SUGT1: variants seen among roughly 807,000 people sequenced by gnomAD.
SUGT1 encodes the protein SGT1 assembly cochaperone of MIS12 kinetochore complex, also known as protein SGT1 homolog.
SUGT1 carries 15 observed loss-of-function variants against 56.1 expected under a neutral mutation model. The ratio of observed to expected loss-of-function variants is 0.27; its 90% confidence interval spans 0.18 to 0.41. The LOEUF is 0.41. Ranked by LOEUF, SUGT1 falls within the 10% of genes least tolerant of loss-of-function variation. The pLI is 1.00. For missense variants in SUGT1, 347 were observed against 382.2 expected, an observed-to-expected ratio of 0.91 and a Z score of 0.77; for synonymous variants, 123 against 128.6, an observed-to-expected ratio of 0.96 and a Z score of 0.30.
rs764131039 is a variant in SUGT1 at position 52,653,052 on chromosome 13, C to A, written c.45C>A (p.Phe15Leu). 7.2e-5 allele frequency: 116 copies of A among 1,614,044 alleles called. 1 individual carries two copies. The South Asian group carries it at 9.7e-4, about 13-fold the overall frequency. ...GTCGTTGTTTTCCTGACAGGTTTTT[C>A]CAGAGCTTCTCGGATGCCCTAATCG... ...AAGTATSQRFFQSFSDALIDE... is the reference protein window; with the variant it reads ...AAGTATSQRFLQSFSDALIDE... The change falls in exon 2 of 13, where the codon TTC becomes TTA. Residue 15 changes from phenylalanine to leucine, a missense_variant. By Grantham distance (22) the Phe-to-Leu change is conservative. Transcript: ENST00000310528.
intron 2 of SUGT1, among the ~76,000 whole-genome samples, chr13:52,655,201 C>T (rs937823885): frequency 6.6e-6 from 1 of 152,134 alleles, no homozygotes; most frequent in Non-Finnish European, 1.5e-5. Context: ...AAAAATTAGC[C>T]GGGCATGGTG....
intron 5 of SUGT1, among the ~76,000 whole-genome samples, chr13:52,660,962 A>T (rs2138117023): frequency 6.6e-6 from 1 of 152,182 alleles, no homozygotes; most frequent in African/African-American, 2.4e-5. Context: ...ACATGCCACC[A>T]CACCTGACTA....
intron 10 of SUGT1, among the ~76,000 whole-genome samples, chr13:52,668,365 C>T (rs1962802215): frequency 6.6e-6 from 1 of 152,104 alleles, no homozygotes; most frequent in Admixed American, 6.6e-5. Flanking sequence ...GTGAAGTTTC[C>T]TGTTGTGGAA....
rs907830490 is a variant in SUGT1 at position 52,688,547 on chromosome 13, T to G, written c.*712T>G. On this transcript the variant is annotated 3_prime_UTR_variant, in exon 13 of 13. Coordinates refer to ENST00000310528, the MANE Select transcript of SUGT1 (RefSeq NM_006704.5). ...CTAGGAAAGCCCAACTCCACTTGCTTCTTTTATCACGACAGGATTCTTGAA... is the reference window on the plus strand; with the variant it reads ...CTAGGAAAGCCCAACTCCACTTGCTGCTTTTATCACGACAGGATTCTTGAA... 1 of 152,208 alleles carries G rather than the reference T, an allele frequency of 6.6e-6. No individual in the cohort carries two copies. Among genetic ancestry groups the G allele is most frequent in the Admixed American group, 6.5e-5 (1 of 15,282 alleles). 9.4% of individuals were successfully genotyped at this position (152,208 alleles called of 1,614,324 possible). A position where few individuals can be genotyped will look rare whatever the true frequency, so the allele number is the denominator to read the frequency against.
chr13:52,686,087 C>G (rs544690743), intron 12 of SUGT1, among the ~76,000 whole-genome samples: 3 of 152,280 alleles, frequency 2.0e-5, no homozygotes, highest in Admixed American at 2.0e-4. Flanking sequence ...GCCACTACGC[C>G]TGGCTAATTT....
intron 12 of SUGT1, among the ~76,000 whole-genome samples, chr13:52,682,082 C>T (rs75197705): frequency 0.011 from 1,663 of 152,158 alleles, 34 homozygotes; most frequent in African/African-American, 0.038. Context: ...TCTAATTTAC[C>T]GCTTTTTATG....
intron 2 of SUGT1, among the ~76,000 whole-genome samples, chr13:52,655,993 C>T (rs1442776559): frequency 6.6e-6 from 1 of 152,028 alleles, no homozygotes; most frequent in East Asian, 1.9e-4. Context: ...TTTTAAGAGG[C>T]AGCAGAATGG....
chr13:52,656,132 G>A (rs570254286), intron 2 of SUGT1, among the ~76,000 whole-genome samples: 51 of 152,260 alleles, frequency 3.3e-4, no homozygotes, highest in African/African-American at 1.2e-3. Context: ...AAATATTTTT[G>A]TATTCTATGG....
intron 5 of SUGT1, among the ~76,000 whole-genome samples, chr13:52,661,092 A>G (rs1022122025): frequency 6.6e-6 from 1 of 152,198 alleles, no homozygotes; most frequent in African/African-American, 2.4e-5. Context: ...GGTTACAGGC[A>G]TGAGCCACTG....
chr13:52,685,256 C>CTTTTTTTTTT (rs59104304), intron 12 of SUGT1, among the ~76,000 whole-genome samples: 1 of 87,734 alleles, frequency 1.1e-5, no homozygotes, highest in Non-Finnish European at 2.2e-5. Flanking sequence ...TCTTCTTCTT[C>CTTTTTTTTTT]TTTTTTTTTT....
At chr13:52,664,698 C>CA (rs1962611382) in intron 8 of SUGT1, among the ~76,000 whole-genome samples, 2 of 152,086 alleles carry the variant, frequency 1.3e-5, no homozygotes, top group African/African-American at 4.8e-5. Context: ...AAGTTAAAAA[C>CA]CATCTATTCA....
At chr13:52,666,490 T>C (rs750505370) in intron 9 of SUGT1, among the ~76,000 whole-genome samples, 5 of 152,218 alleles carry the variant, frequency 3.3e-5, no homozygotes, top group Non-Finnish European at 7.3e-5. Context: ...GGATCACTTT[T>C]TGTTATATAT....
rs1326952433 is a variant in SUGT1, at chr13:52,690,359, G to T, written c.*2524G>T. On this transcript the variant is annotated 3_prime_UTR_variant, in exon 13 of 13. Coordinates refer to ENST00000310528, the MANE Select transcript of SUGT1 (RefSeq NM_006704.5). ...TGCTATCTCAATGTAGCTATTAATT[G>T]TTCCCTCTTTGTTTCTAGACTCCAA... is the stretch of plus-strand genomic sequence containing the variant. 6.6e-6 allele frequency: 1 copy of T among 151,488 alleles called. No homozygotes were observed. The highest frequency in any genetic ancestry group is 1.5e-5 in the Non-Finnish European group (1 of 67,932). The allele number at this position is 151,488 out of a possible 1,614,324, so 9.4% of individuals were successfully genotyped here. A position where few individuals can be genotyped will look rare whatever the true frequency, so the allele number is the denominator to read the frequency against.
chr13:52,684,858 CA>C (rs1566198866), intron 12 of SUGT1, among the ~76,000 whole-genome samples: 1 of 151,706 alleles, frequency 6.6e-6, no homozygotes. Flanking sequence ...TTTTCCTAGG[CA>C]GCGTCCTTCC....
chr13:52,665,110 A>T (rs1962639619), intron 8 of SUGT1, among the ~76,000 whole-genome samples: 1 of 152,110 alleles, frequency 6.6e-6, no homozygotes, highest in Non-Finnish European at 1.5e-5. Context: ...TATGATTTTA[A>T]TTTTAGTTCA....
At chr13:52,675,458 T>A (rs1963106046) in intron 10 of SUGT1, among the ~76,000 whole-genome samples, 1 of 152,152 alleles carries the variant, frequency 6.6e-6, no homozygotes. Flanking sequence ...TTGTCTGTAG[T>A]CCCAGCTACT....
chr13:52,657,251 G>A (rs1300796404), intron 2 of SUGT1, among the ~76,000 whole-genome samples: 3 of 152,100 alleles, frequency 2.0e-5, no homozygotes. Flanking sequence ...CAGAATATAT[G>A]AGCTGATAAT....
intron 12 of SUGT1, 93 bp downstream of exon 12, chr13:52,680,248 T>C: frequency 1.6e-6 from 2 of 1,224,574 alleles, no homozygotes; most frequent in Middle Eastern, 5.7e-4. Flanking sequence ...TTGCGTGTAC[T>C]ATAGCTGGGA....
In SUGT1 at chr13:52,691,677, G is replaced by GA. The variant is rs1963782145; in HGVS notation, c.*3844dup. Reference sequence around the variant, plus strand: ...CTTACCCTTTGTAACTAGCTCTAAAGAAGTACATCTTTTGCTCATACCTGC... The same window carrying GA: ...CTTACCCTTTGTAACTAGCTCTAAAGAAAGTACATCTTTTGCTCATACCTGC... On this transcript the variant is annotated 3_prime_UTR_variant, in exon 13 of 13. Transcript: ENST00000310528. The GA allele has an allele frequency of 6.6e-6, 1 of 152,156 alleles. No homozygotes were observed. The highest frequency in any genetic ancestry group is 2.4e-5 in the African/African-American group (1 of 41,434). 9.4% of individuals were successfully genotyped at this position (152,156 alleles called of 1,614,324 possible).
Sources: gnomAD v4.1 joint callset for allele counts (sites outside exome capture counted in the v4.1 genomes callset) on GRCh38, gnomAD v4.1.1 for gene constraint, MANE v1.5 for transcripts, NCBI Gene and HGNC (gene_info 2026-07-23, HGNC 2026-07-21) for gene names.